PCMT1: variants seen among roughly 807,000 people sequenced by gnomAD.
The protein encoded by PCMT1 is protein-L-isoaspartate (D-aspartate) O-methyltransferase.
Under a neutral mutation model 29.2 loss-of-function variants are expected in PCMT1, and 9 were observed. That is an observed-to-expected ratio of 0.31 (90% CI 0.19 to 0.54). The LOEUF (loss-of-function observed/expected upper bound fraction) is 0.54. Ranked by LOEUF, PCMT1 falls within the 20% of genes least tolerant of loss-of-function variation. The pLI is 0.95. For missense variants in PCMT1, 184 were observed against 282.2 expected (o/e 0.65, Z 2.49); for synonymous variants, 98 against 97.5 (o/e 1.00, Z -0.03).
chr6:149,811,028 A>G lies in PCMT1; in HGVS notation c.*450A>G, dbSNP rs1247981830. On this transcript the variant is annotated 3_prime_UTR_variant, in exon 8 of 8. Transcript: ENST00000464889. ...GGATAACACCACCATTCACAAGTTA[A>G]GATTCTTGGTATTTGGATATCTGTT... The G allele has an allele frequency of 1.9e-5, 3 of 161,926 alleles. No homozygotes were observed. The highest frequency in any genetic ancestry group is 4.0e-5 in the Non-Finnish European group (3 of 74,788). 10.0% of individuals were successfully genotyped at this position (161,926 alleles called of 1,614,324 possible).
Position 149,793,689 on chromosome 6 carries a change from A to C in PCMT1, c.418+20A>C, listed in dbSNP as rs764160087. 2 of 1,524,964 alleles carry C rather than the reference A, an allele frequency of 1.3e-6. No individual in the cohort carries two copies. The highest frequency in any genetic ancestry group is 2.7e-5 in the South Asian group (2 of 74,100). The allele number at this position is 1,524,964 out of a possible 1,614,324, so 94.5% of individuals were successfully genotyped here. On this transcript the variant is annotated intron_variant, in intron 5 of 7. Coordinates refer to ENST00000464889, the MANE Select transcript of PCMT1 (RefSeq NM_001360452.2). ...TTGTTGGTAAGTATCAGAAAACTTTAAAAATTTCTTCAGAGGATTTTTATT... is the reference window on the plus strand; with the variant it reads ...TTGTTGGTAAGTATCAGAAAACTTTCAAAATTTCTTCAGAGGATTTTTATT...
At chr6:149,773,068 G>T in intron 2 of PCMT1, 70 bp from the exon 3 acceptor site, 28 of 1,055,562 alleles carry the variant, frequency 2.7e-5, no homozygotes, top group Non-Finnish European at 3.7e-5. Flanking sequence ...ATGGATGGTA[G>T]AAAAGAAATT....
chr6:149,761,144 A>G (rs1786722813), intron 1 of PCMT1, among the ~76,000 whole-genome samples: 1 of 151,110 alleles, frequency 6.6e-6, no homozygotes, highest in Non-Finnish European at 1.5e-5. Flanking sequence ...GCAGGAGGTC[A>G]GCAGATGATG....
At chr6:149,759,022 A>G (rs1786634746) in intron 1 of PCMT1, among the ~76,000 whole-genome samples, 1 of 152,078 alleles carries the variant, frequency 6.6e-6, no homozygotes, top group African/African-American at 2.4e-5. Flanking sequence ...GATTACAGGC[A>G]CATGCCACCA....
chr6:149,755,099 A>AAGGGAG (rs75359067), intron 1 of PCMT1, among the ~76,000 whole-genome samples: 1 of 151,440 alleles, frequency 6.6e-6, no homozygotes, highest in Admixed American at 6.6e-5. Flanking sequence ...AACCTGTCAT[A>AAGGGAG]ATAAACCTGT....
chr6:149,787,035 G>A (rs1393989461), intron 3 of PCMT1, among the ~76,000 whole-genome samples: 1 of 129,860 alleles, frequency 7.7e-6, no homozygotes, highest in Non-Finnish European at 1.6e-5. Context: ...CTGGCACCTC[G>A]GGAGGCCGAG....
intron 1 of PCMT1, among the ~76,000 whole-genome samples, chr6:149,763,364 A>AT: frequency 6.6e-6 from 1 of 150,734 alleles, no homozygotes; most frequent in South Asian, 2.1e-4. Context: ...TAGTAAATAT[A>AT]TAATAGTTTG....
rs1399792430 is a variant in PCMT1 at position 149,762,986 on chromosome 6, C to A, written c.56-8176C>A. Among the ~76,000 whole-genome samples the A allele has an allele frequency of 7.1e-5, 4 of 56,052 alleles. 1 individual carries two copies. Among genetic ancestry groups the A allele is most frequent in the Non-Finnish European group, 9.9e-5 (4 of 40,358 alleles). The allele number at this position is 56,052 out of a possible 152,430, so 36.8% of individuals were successfully genotyped here. On this transcript the variant is annotated intron_variant, in intron 1 of 7. Transcript: ENST00000464889. ...TCTATGATATATATGATATATATAT[C>A]TATGATATATATGATATATATATCT...
At chr6:149,797,795 A>G (rs904601080) in intron 6 of PCMT1, 2 of 152,146 alleles carry the variant, frequency 1.3e-5, no homozygotes, top group Non-Finnish European at 2.9e-5. Context: ...TGAAAGTTGT[A>G]TAATTTGTTC....
intron 4 of PCMT1, among the ~76,000 whole-genome samples, chr6:149,790,549 G>A (rs1788322855): frequency 6.7e-6 from 1 of 149,450 alleles, no homozygotes; most frequent in Admixed American, 6.7e-5. Context: ...AAAAACAGAG[G>A]TTTTATTGCA....
chr6:149,788,763 A>G (rs1788226956), intron 3 of PCMT1, among the ~76,000 whole-genome samples: 1 of 152,136 alleles, frequency 6.6e-6, no homozygotes, highest in African/African-American at 2.4e-5. Context: ...TCTGGGGCAA[A>G]CCCTTTGAGA....
chr6:149,779,735 GGGGA>G (rs1221476018), intron 3 of PCMT1, among the ~76,000 whole-genome samples: 1 of 152,180 alleles, frequency 6.6e-6, no homozygotes, highest in Admixed American at 6.5e-5. Flanking sequence ...ACTTGGACCT[GGGGA>G]GGGTGCAGGT....
chr6:149,810,411 T>C (rs1776130369), intron 7 of PCMT1, among the ~76,000 whole-genome samples: 1 of 152,228 alleles, frequency 6.6e-6, no homozygotes, highest in Non-Finnish European at 1.5e-5. Flanking sequence ...GGTTGCATAC[T>C]TGGTTCTGGA....
chr6:149,809,240 C>A, intron 7 of PCMT1, among the ~76,000 whole-genome samples: 1 of 105,242 alleles, frequency 9.5e-6, no homozygotes, highest in Non-Finnish European at 1.7e-5. Flanking sequence ...GCCTAGGTGA[C>A]AGAGCGAGAC....
intron 5 of PCMT1, chr6:149,795,754 A>G (rs1469613981): frequency 5.4e-6 from 1 of 186,624 alleles, no homozygotes; most frequent in Non-Finnish European, 1.1e-5. Flanking sequence ...AAGGTACTAT[A>G]TCTTAAGTTA....
At chr6:149,759,766 A>G (rs1191417310) in intron 1 of PCMT1, among the ~76,000 whole-genome samples, 1 of 152,176 alleles carries the variant, frequency 6.6e-6, no homozygotes, top group Non-Finnish European at 1.5e-5. Context: ...AAGTGCTGGG[A>G]TTACAGGCGT....
chr6:149,769,397 C>G (rs953939430), intron 1 of PCMT1, among the ~76,000 whole-genome samples: 1 of 146,322 alleles, frequency 6.8e-6, no homozygotes, highest in Non-Finnish European at 1.5e-5. Context: ...TCACTGCAAC[C>G]TCAGCCTCCG....
intron 3 of PCMT1, among the ~76,000 whole-genome samples, chr6:149,784,015 G>T (rs1787922166): frequency 6.6e-6 from 1 of 152,236 alleles, no homozygotes; most frequent in Non-Finnish European, 1.5e-5. Flanking sequence ...AAATGAGTCA[G>T]TGTCCTGAAG....
chr6:149,785,959 G>T (rs1191267509), intron 3 of PCMT1, among the ~76,000 whole-genome samples: 2 of 151,148 alleles, frequency 1.3e-5, no homozygotes, highest in Non-Finnish European at 3.0e-5. Context: ...GGGCAGAGGG[G>T]CTCCTCACTT....
Sources: gnomAD v4.1 joint callset for allele counts (sites outside exome capture counted in the v4.1 genomes callset) on GRCh38, gnomAD v4.1.1 for gene constraint, MANE v1.5 for transcripts, NCBI Gene and HGNC (gene_info 2026-07-23, HGNC 2026-07-21) for gene names.